PTK2: variants seen among roughly 807,000 people sequenced by gnomAD.
PTK2 encodes protein tyrosine kinase 2.
Under a neutral mutation model 150.1 loss-of-function variants are expected in PTK2, and 45 were observed. The ratio of observed to expected loss-of-function variants is 0.30; its 90% CI spans 0.24 to 0.38. The LOEUF (loss-of-function observed/expected upper bound fraction) is 0.38. Among genes scored for constraint, PTK2 ranks in the 10% least tolerant of loss-of-function variants. PTK2 has a pLI of 1.00. For missense variants in PTK2, 919 were observed against 1,307.3 expected (o/e 0.70, Z 4.58); for synonymous variants, 432 against 449.2 (o/e 0.96, Z 0.48).
At position 140,834,461 on chromosome 8, in the gene PTK2, T is replaced by C. The variant is rs187572479; in HGVS notation, c.594-3935A>G. ...ATATACATAGCAGAGGGCTTCTAAG[T>C]ATTACCTTTCCTACTTCTCTCTCAG... is the stretch of plus-strand genomic sequence containing the variant. On this transcript the variant is annotated intron_variant, in intron 7 of 31. Transcript: ENST00000522684. 4.6e-5 allele frequency among the ~76,000 whole-genome samples: 7 copies of C among 152,318 alleles called. 1 individual carries two copies. The highest frequency in any genetic ancestry group is 4.6e-4 in the Admixed American group (7 of 15,298).
chr8:140,743,467 T>C (rs189818476), intron 19 of PTK2, 137 bp from the exon 23 acceptor site: 90 of 509,964 alleles, frequency 1.8e-4, no homozygotes, highest in Non-Finnish European at 2.6e-4. Context: ...ATATTTATTA[T>C]AGGATATATA....
chr8:140,855,001 T>C (rs1396978915), intron 5 of PTK2, among the ~76,000 whole-genome samples: 1 of 152,166 alleles, frequency 6.6e-6, no homozygotes, highest in Non-Finnish European at 1.5e-5. Flanking sequence ...AATATATGTA[T>C]TTTTAGAAAC....
chr8:140,897,552 CGT>C (rs562228478), intron 2 of PTK2, among the ~76,000 whole-genome samples: 89 of 152,294 alleles, frequency 5.8e-4, no homozygotes, highest in African/African-American at 2.1e-3. Context: ...GTGGCATTCA[CGT>C]GTCTTCATGT....
At chr8:140,799,738 G>A (rs577259024) in intron 12 of PTK2, among the ~76,000 whole-genome samples, 28 of 152,120 alleles carry the variant, frequency 1.8e-4, no homozygotes, top group Non-Finnish European at 3.2e-4. Flanking sequence ...ACTGTTCTTC[G>A]TGTTTGACCA....
At position 140,706,243 on chromosome 8, in the gene PTK2, T is replaced by G. The variant is rs1347328135; in HGVS notation, c.2143-38A>C. Reference sequence around the variant, plus strand: ...GAGAGCATCATATGAATGAACCTTTTGATTTTGACAAACCTGTACTTTATG... The same window carrying G: ...GAGAGCATCATATGAATGAACCTTTGGATTTTGACAAACCTGTACTTTATG... On this transcript the variant is annotated intron_variant, in intron 23 of 31. Coordinates refer to ENST00000522684, the Ensembl canonical transcript of PTK2. The G allele has an allele frequency of 2.7e-6, 4 of 1,474,026 alleles. No individual in the cohort carries two copies. The East Asian group carries it at 9.1e-5, about 33-fold the overall frequency. The allele number at this position is 1,474,026 out of a possible 1,614,324, so 91.3% of individuals were successfully genotyped here. A position where few individuals can be genotyped will look rare whatever the true frequency, so the allele number is the denominator to read the frequency against.
intron 1 of PTK2, among the ~76,000 whole-genome samples, chr8:140,974,441 G>A (rs962957795): frequency 6.6e-6 from 1 of 152,130 alleles, no homozygotes; most frequent in Non-Finnish European, 1.5e-5. Context: ...TTCCATGCCC[G>A]TCAGTCTCCA....
At chr8:140,972,686 T>C in intron 1 of PTK2, among the ~76,000 whole-genome samples, 1 of 152,232 alleles carries the variant, frequency 6.6e-6, no homozygotes, top group Non-Finnish European at 1.5e-5. Context: ...AAACCTAAAA[T>C]ATTCACTATC....
chr8:140,989,840 G>A (rs939715337), intron 1 of PTK2, among the ~76,000 whole-genome samples: 7 of 151,718 alleles, frequency 4.6e-5, no homozygotes, highest in South Asian at 2.1e-4. Context: ...CCCAGGAGGC[G>A]GAGGTTGCGG....
chr8:140,672,539 A>G (rs1316875675), intron 29 of PTK2, among the ~76,000 whole-genome samples: 1 of 152,164 alleles, frequency 6.6e-6, no homozygotes, highest in Non-Finnish European at 1.5e-5. Flanking sequence ...CTAAGGGCAG[A>G]GGCATCCCTA....
intron 1 of PTK2, among the ~76,000 whole-genome samples, chr8:140,990,486 C>G (rs1049552308): frequency 1.3e-5 from 2 of 152,152 alleles, no homozygotes; most frequent in South Asian, 4.1e-4. Context: ...AAGTGATCCT[C>G]CCACCCTGGC....
chr8:140,939,620 T>C (rs1228461237), intron 1 of PTK2, among the ~76,000 whole-genome samples: 3 of 152,256 alleles, frequency 2.0e-5, no homozygotes, highest in Non-Finnish European at 4.4e-5. Flanking sequence ...TCCCTCATTC[T>C]AGGTCACCTA....
At chr8:141,001,946 G>A (rs936604599), upstream of PTK2, 6 of 152,378 alleles carry the variant, frequency 3.9e-5, no homozygotes, top group African/African-American at 1.4e-4. Flanking sequence ...TCCACTGGAG[G>A]TAGACAGGTT....
At chr8:140,915,304 C>T (rs181813843) in intron 2 of PTK2, among the ~76,000 whole-genome samples, 6 of 152,200 alleles carry the variant, frequency 3.9e-5, no homozygotes, top group Admixed American at 3.9e-4. Flanking sequence ...TGGCACACAC[C>T]TGTAATCCTA....
chr8:140,900,409 T>C (rs1198789221), intron 2 of PTK2, among the ~76,000 whole-genome samples: 2 of 151,994 alleles, frequency 1.3e-5, no homozygotes, highest in Non-Finnish European at 2.9e-5. Flanking sequence ...TAAGGAAAAC[T>C]ATAAAACATT....
intron 2 of PTK2, among the ~76,000 whole-genome samples, chr8:140,894,303 G>A (rs1168737551): frequency 6.6e-6 from 1 of 152,176 alleles, no homozygotes; most frequent in African/African-American, 2.4e-5. Context: ...CTCTGATCTA[G>A]GACTTCCAGC....
chr8:140,735,807 T>C (rs147358527), intron 21 of PTK2, among the ~76,000 whole-genome samples: 267 of 152,316 alleles, frequency 1.8e-3, no homozygotes, highest in Admixed American at 2.4e-3. Flanking sequence ...CACTTTGGTC[T>C]CATCTATTTA....
At position 140,897,352 on chromosome 8, in the gene PTK2, T is replaced by C. The variant is rs546748540; in HGVS notation, c.-32-6583A>G. Reference sequence around the variant, plus strand: ...ATAGAATGTGATTTTGCTCCTATCCTTTCAGAACTTACCAAAAGAAAAAAA... The same window carrying C: ...ATAGAATGTGATTTTGCTCCTATCCCTTCAGAACTTACCAAAAGAAAAAAA... On this transcript the variant is annotated intron_variant, in intron 2 of 31. Coordinates refer to ENST00000522684, the Ensembl canonical transcript of PTK2. 2.0e-5 allele frequency among the ~76,000 whole-genome samples: 3 copies of C among 152,320 alleles called. No homozygotes were observed. The East Asian group carries it at 5.8e-4, about 29-fold the overall frequency.
Position 140,883,005 on chromosome 8 carries a change from T to A in PTK2, c.196-3368A>T, listed in dbSNP as rs141433137. On this transcript the variant is annotated intron_variant, in intron 3 of 31. Coordinates refer to ENST00000522684, the Ensembl canonical transcript of PTK2. ...AGGTATTTTACTGTTGTTATGATGG[T>A]TTAATTTCCCTGATTACTCACTAGT... Among the ~76,000 whole-genome samples the A allele has an allele frequency of 1.9e-4, 29 of 152,314 alleles. No individual in the cohort carries two copies. The East Asian group carries it at 4.1e-3, about 21-fold the overall frequency.
intron 1 of PTK2, among the ~76,000 whole-genome samples, chr8:140,967,451 T>C (rs1202933361): frequency 7.7e-6 from 1 of 130,608 alleles, no homozygotes; most frequent in Non-Finnish European, 1.6e-5. Flanking sequence ...ATTTCTTTCT[T>C]TCTTTCTTTC....
Sources: gnomAD v4.1 joint callset for allele counts (sites outside exome capture counted in the v4.1 genomes callset) on GRCh38, gnomAD v4.1.1 for gene constraint, MANE v1.5 for transcripts, NCBI Gene and HGNC (gene_info 2026-07-23, HGNC 2026-07-21) for gene names.